The following ABR variants were observed in gnomAD, a reference collection of about 807,000 sequenced individuals.
ABR encodes the protein active breakpoint cluster region-related protein.
ABR carries 35 observed loss-of-function variants against 107.2 expected under a neutral mutation model. The observed-to-expected ratio is 0.33, with a 90% CI of 0.25 to 0.43. ABR has a LOEUF of 0.43. Among genes scored for constraint, ABR ranks in the 20% least tolerant of loss-of-function variants. The pLI is 1.00. For synonymous variants in ABR, 498 were observed against 462.0 expected (o/e 1.08, Z -1.00); for missense variants, 815 against 1,115.2 (o/e 0.73, Z 3.83).
intron 1 of ABR, among the ~76,000 whole-genome samples, chr17:1,194,216 C>A (rs951114843): frequency 6.6e-6 from 1 of 151,638 alleles, no homozygotes; most frequent in African/African-American, 2.4e-5. Flanking sequence ...GAGACAGAGT[C>A]TCTCTCTGTC....
Position 1,072,764 on chromosome 17 carries a change from GT to G in ABR, c.754-11del, listed in dbSNP as rs1323807604. ...TGTGCTTCAGCAGGTCCTGGGAAGGGTGAGGCGGTGAGTTGAGGGGAGCGGC... is the reference window on the plus strand; with the variant it reads ...TGTGCTTCAGCAGGTCCTGGGAAGGGGAGGCGGTGAGTTGAGGGGAGCGGC... On this transcript the variant is annotated splice_polypyrimidine_tract_variant and intron_variant, in intron 7 of 22. Transcript: ENST00000302538. The G allele has an allele frequency of 3.1e-6, 5 of 1,611,738 alleles. No individual in the cohort carries two copies. The highest frequency in any genetic ancestry group is 2.5e-6 in the Non-Finnish European group (3 of 1,179,486).
intron 16 of ABR, chr17:1,031,744 C>CGGGG (rs371587357): frequency 3.2e-5 from 39 of 1,236,020 alleles, no homozygotes; most frequent in Middle Eastern, 3.1e-4. Context: ...TCGGTCATGC[C>CGGGG]GGGGGGGACG....
At chr17:1,008,747 G>A (rs545016781) in intron 21 of ABR, among the ~76,000 whole-genome samples, 2 of 152,346 alleles carry the variant, frequency 1.3e-5, no homozygotes, top group African/African-American at 2.4e-5. Flanking sequence ...GAATTGTTCC[G>A]CAGAGCAGTC....
chr17:1,008,629 CAA>C (rs910081730), intron 21 of ABR, among the ~76,000 whole-genome samples: 34 of 152,204 alleles, frequency 2.2e-4, no homozygotes, highest in African/African-American at 8.0e-4. Context: ...ATGGGAAAAA[CAA>C]GACACCAGCC....
intron 4 of ABR, among the ~76,000 whole-genome samples, chr17:1,087,604 G>T (rs576775197): frequency 6.6e-6 from 1 of 152,096 alleles, no homozygotes; most frequent in Non-Finnish European, 1.5e-5. Context: ...GGGGCCGGAC[G>T]GGAGGGAGTT....
intron 16 of ABR, chr17:1,031,671 G>GACTCCTCC (rs2072780236): frequency 1.6e-6 from 2 of 1,256,802 alleles, no homozygotes; most frequent in African/African-American, 3.1e-5. Context: ...CTTGCTCCCC[G>GACTCCTCC]ACTCCTCCAG....
intron 16 of ABR, among the ~76,000 whole-genome samples, chr17:1,042,584 C>G (rs557000609): frequency 7.6e-5 from 7 of 91,506 alleles, no homozygotes; most frequent in African/African-American, 2.6e-4. Context: ...ATGGCACCTA[C>G]GTCCACAGAC....
rs1421603876 is a variant in ABR, at chr17:1,057,107, A to C, written c.1382-5T>G. 6.2e-7 allele frequency: 1 copy of C among 1,600,728 alleles called. No homozygotes were observed. The highest frequency in any genetic ancestry group is 8.6e-7 in the Non-Finnish European group (1 of 1,168,870). On this transcript the variant is annotated splice_polypyrimidine_tract_variant and splice_region_variant and intron_variant, in intron 12 of 22. Transcript: ENST00000302538. Reference sequence around the variant, plus strand: ...TCAGGACAAAGGCCTGGAGATCTGGAGGGAGAGCCGAGAGAGAAGGGAGCG... The same window carrying C: ...TCAGGACAAAGGCCTGGAGATCTGGCGGGAGAGCCGAGAGAGAAGGGAGCG...
rs1258016164 is a variant in ABR, at chr17:1,204,932, C to T, written c.838+23861G>A. ...TTTTTTTTTTTTTTTGAGACTGAGTCTCGCGCTATCACCCAGGCTGGAGTG... is the reference window on the plus strand; with the variant it reads ...TTTTTTTTTTTTTTTGAGACTGAGTTTCGCGCTATCACCCAGGCTGGAGTG... On this transcript the variant is annotated intron_variant, in intron 1 of 22. Transcript: ENST00000574139. Among the ~76,000 whole-genome samples the T allele has an allele frequency of 4.1e-5, 5 of 121,126 alleles. No individual in the cohort carries two copies. The East Asian group carries it at 1.2e-3, about 30-fold the overall frequency. 79.5% of individuals were successfully genotyped at this position (121,126 alleles called of 152,430 possible). A position where few individuals can be genotyped will look rare whatever the true frequency, so the allele number is the denominator to read the frequency against.
chr17:1,116,482 C>A (rs1420879749), intron 2 of ABR, among the ~76,000 whole-genome samples: 2 of 152,082 alleles, frequency 1.3e-5, no homozygotes, highest in African/African-American at 4.8e-5. Context: ...AGACGGAGAT[C>A]CCAGACAGGG....
At chr17:1,089,682 G>A (rs372072623) in intron 4 of ABR, among the ~76,000 whole-genome samples, 93 of 152,338 alleles carry the variant, frequency 6.1e-4, no homozygotes, top group Admixed American at 1.4e-3. Flanking sequence ...AATGCAGGCC[G>A]GGCGCGGTGG....
chr17:1,023,612 G>C (rs796807487), intron 16 of ABR, among the ~76,000 whole-genome samples: 7 of 152,352 alleles, frequency 4.6e-5, no homozygotes, highest in African/African-American at 1.7e-4. Flanking sequence ...CAAAGTCCAA[G>C]ATGAGAGGCC....
chr17:1,031,347 C>T lies in ABR; in HGVS notation c.1792-18183G>A, dbSNP rs933926836. ...GGAGTGGAAAGCAGGGTCCACCTGC[C>T]GAGAAGAAACCTCCCTTCTCCCGAG... On this transcript the variant is annotated intron_variant, in intron 16 of 22. Transcript: ENST00000302538. Among the ~76,000 whole-genome samples the T allele has an allele frequency of 1.1e-4, 17 of 152,274 alleles. No homozygotes were observed. In the East Asian group the frequency reaches 2.9e-3, roughly 26 times the overall value.
intron 16 of ABR, among the ~76,000 whole-genome samples, chr17:1,047,315 G>C (rs1245383538): frequency 6.6e-6 from 1 of 152,276 alleles, no homozygotes; most frequent in East Asian, 1.9e-4. Context: ...TGAAGGCAGA[G>C]ACAAGCTGTG....
chr17:1,032,841 GCCTCGGACCTCTGCAGACC>G (rs2072917327), intron 16 of ABR, among the ~76,000 whole-genome samples: 1 of 152,206 alleles, frequency 6.6e-6, no homozygotes, highest in African/African-American at 2.4e-5. Context: ...GGTGTCTGGG[GCCTCGGACCTCTGCAGACC>G]CCAGCACGGC....
chr17:1,175,013 A>G (rs1306060111), intron 1 of ABR, among the ~76,000 whole-genome samples: 1 of 152,108 alleles, frequency 6.6e-6, no homozygotes, highest in African/African-American at 2.4e-5. Flanking sequence ...ATCTAATCCC[A>G]TGGGATTGGG....
intron 10 of ABR, 100 bp downstream of exon 10, chr17:1,066,977 G>A: frequency 4.7e-6 from 6 of 1,286,790 alleles, no homozygotes; most frequent in South Asian, 1.3e-5. Flanking sequence ...CACACTCAAG[G>A]CTCCCTCTCA....
chr17:1,124,158 G>C (rs756651179), intron 2 of ABR, among the ~76,000 whole-genome samples: 5 of 152,200 alleles, frequency 3.3e-5, no homozygotes, highest in Non-Finnish European at 7.3e-5. Context: ...AGCTCTGTGG[G>C]GGGTGGAGGG....
At chr17:1,221,049 CA>C (rs2043111756) in intron 1 of ABR, among the ~76,000 whole-genome samples, 1 of 152,154 alleles carries the variant, frequency 6.6e-6, no homozygotes, top group Admixed American at 6.5e-5. Context: ...AATAATAAGA[CA>C]ATTGTGCCGT....
Sources: gnomAD v4.1 joint callset for allele counts (sites outside exome capture counted in the v4.1 genomes callset) on GRCh38, gnomAD v4.1.1 for gene constraint, MANE v1.5 for transcripts, NCBI Gene and HGNC (gene_info 2026-07-23, HGNC 2026-07-21) for gene names.